The following GAREM1 variants were observed in gnomAD, a reference collection of about 807,000 sequenced individuals.
GAREM1 encodes the protein GRB2-associated and regulator of MAPK protein 1.
Under a neutral mutation model 71.3 loss-of-function variants are expected in GAREM1, and 26 were observed. The ratio of observed to expected loss-of-function variants is 0.36; its 90% CI spans 0.27 to 0.51. The LOEUF is 0.51. Among genes scored for constraint, GAREM1 ranks in the 20% least tolerant of loss-of-function variants. The pLI is 0.95. For synonymous variants in GAREM1, 440 were observed against 433.2 expected (o/e 1.02, Z -0.20); for missense variants, 1,026 against 1,103.1 (o/e 0.93, Z 0.99).
At chr18:32,270,836 C>G (rs1393856180) in intron 4 of GAREM1, among the ~76,000 whole-genome samples, 3 of 149,770 alleles carry the variant, frequency 2.0e-5, no homozygotes, top group Non-Finnish European at 4.4e-5. Flanking sequence ...TTGATCCAAA[C>G]CTTAGAGAAC....
intron 2 of GAREM1, among the ~76,000 whole-genome samples, chr18:32,334,494 A>C (rs564138106): frequency 3.9e-4 from 59 of 152,240 alleles, no homozygotes; most frequent in African/African-American, 1.4e-3. Context: ...GGGTCTTAAT[A>C]TTTTTCTAGT....
At chr18:32,392,406 T>C (rs1415307134) in intron 2 of GAREM1, among the ~76,000 whole-genome samples, 1 of 152,170 alleles carries the variant, frequency 6.6e-6, no homozygotes, top group Non-Finnish European at 1.5e-5. Flanking sequence ...AGTGAGGGCA[T>C]CTCAGTTGCC....
At chr18:32,312,140 T>A in intron 2 of GAREM1, among the ~76,000 whole-genome samples, 1 of 152,216 alleles carries the variant, frequency 6.6e-6, no homozygotes. Flanking sequence ...GTTCAAAAAG[T>A]TCTTAGACAC....
intron 2 of GAREM1, among the ~76,000 whole-genome samples, chr18:32,375,654 AT>A (rs2048024258): frequency 6.6e-6 from 1 of 152,208 alleles, no homozygotes; most frequent in African/African-American, 2.4e-5. Context: ...AGTGGAAATC[AT>A]TTGATTAAAG....
At chr18:32,354,153 T>C (rs1222327387) in intron 2 of GAREM1, among the ~76,000 whole-genome samples, 1 of 152,208 alleles carries the variant, frequency 6.6e-6, no homozygotes, top group Non-Finnish European at 1.5e-5. Context: ...GGTTTATCTG[T>C]TCCTCATTTA....
At chr18:32,377,043 T>C (rs2048037148) in intron 2 of GAREM1, among the ~76,000 whole-genome samples, 1 of 152,182 alleles carries the variant, frequency 6.6e-6, no homozygotes, top group African/African-American at 2.4e-5. Flanking sequence ...ATCCTAATTT[T>C]AGAAATAATG....
chr18:32,393,039 G>C lies in GAREM1; in HGVS notation c.122-4C>G. On this transcript the variant is annotated splice_region_variant and splice_polypyrimidine_tract_variant and intron_variant, in intron 1 of 5. Coordinates refer to ENST00000269209, the MANE Select transcript of GAREM1 (RefSeq NM_001242409.2). The stretch of plus-strand genomic sequence containing the variant: ...CGCAGCCCTTCTACGCACTCTCCTA[G>C]GAAATACAATTTTATATGAGAAACT... The C allele has an allele frequency of 6.2e-7, 1 of 1,609,882 alleles. No homozygotes were observed. The highest frequency in any genetic ancestry group is 8.5e-7 in the Non-Finnish European group (1 of 1,177,408).
At chr18:32,349,303 T>C (rs1028349257) in intron 2 of GAREM1, among the ~76,000 whole-genome samples, 1 of 152,188 alleles carries the variant, frequency 6.6e-6, no homozygotes, top group African/African-American at 2.4e-5. Flanking sequence ...CAGGACAAGG[T>C]ATACACAAAG....
At chr18:32,327,652 T>A (rs571967229) in intron 2 of GAREM1, among the ~76,000 whole-genome samples, 4 of 152,226 alleles carry the variant, frequency 2.6e-5, no homozygotes, top group African/African-American at 4.8e-5. Flanking sequence ...ATTAAATACA[T>A]GAAGTTGGGT....
intron 2 of GAREM1, among the ~76,000 whole-genome samples, chr18:32,376,863 A>C (rs1444212725): frequency 1.3e-5 from 2 of 152,136 alleles, no homozygotes; most frequent in Non-Finnish European, 2.9e-5. Context: ...ACAAATCAAC[A>C]AACAAATAAA....
At chr18:32,383,136 C>T (rs556848609) in intron 2 of GAREM1, among the ~76,000 whole-genome samples, 28 of 152,348 alleles carry the variant, frequency 1.8e-4, no homozygotes, top group African/African-American at 6.3e-4. Context: ...GGGACAAACC[C>T]TACGGTGTTC....
chr18:32,294,136 C>T (rs528445066), intron 3 of GAREM1, among the ~76,000 whole-genome samples: 4 of 152,240 alleles, frequency 2.6e-5, no homozygotes, highest in Non-Finnish European at 5.9e-5. Flanking sequence ...ATAAAAGTAT[C>T]GTTATCACTG....
At chr18:32,274,132 G>C (rs981001091) in intron 4 of GAREM1, among the ~76,000 whole-genome samples, 1 of 152,100 alleles carries the variant, frequency 6.6e-6, no homozygotes, top group Admixed American at 6.5e-5. Context: ...ATGGGTGGCC[G>C]CTCCGATGAT....
chr18:32,461,404 T>C (rs1461015972), intron 1 of GAREM1, among the ~76,000 whole-genome samples: 2 of 152,122 alleles, frequency 1.3e-5, no homozygotes, highest in Non-Finnish European at 2.9e-5. Flanking sequence ...AGGTCTGAAA[T>C]AATTCATCCT....
chr18:32,277,623 T>G (rs2041559622), intron 4 of GAREM1, among the ~76,000 whole-genome samples: 1 of 152,244 alleles, frequency 6.6e-6, no homozygotes, highest in Non-Finnish European at 1.5e-5. Flanking sequence ...AACTATTTTC[T>G]TTACTTTCAG....
At chr18:32,376,325 C>T (rs766307779) in intron 2 of GAREM1, among the ~76,000 whole-genome samples, 3 of 152,164 alleles carry the variant, frequency 2.0e-5, no homozygotes, top group African/African-American at 7.2e-5. Context: ...CTCTGTACTA[C>T]TTTGTAAAAA....
Position 32,324,763 on chromosome 18 carries a change from A to G in GAREM1, c.263-14440T>C, listed in dbSNP as rs553047157. 1.1e-3 allele frequency among the ~76,000 whole-genome samples: 164 copies of G among 152,372 alleles called. 1 individual carries two copies. The highest frequency in any genetic ancestry group is 3.7e-3 in the African/African-American group (153 of 41,588). On this transcript the variant is annotated intron_variant, in intron 2 of 5. Coordinates refer to ENST00000269209, the MANE Select transcript of GAREM1 (RefSeq NM_001242409.2). ...CATTTTCACCAAAAATTTAAGCTAC[A>G]AACGGCAAGGCAATCAAGCCATGAA...
intron 2 of GAREM1, among the ~76,000 whole-genome samples, chr18:32,363,920 A>ACACACACACACACACACACACACAT (rs1408632288): frequency 2.5e-4 from 37 of 146,708 alleles, no homozygotes; most frequent in East Asian, 1.0e-3. Flanking sequence ...ACACACACAT[A>ACACACACACACACACACACACACAT]AAAAAATATA....
At chr18:32,370,652 CTGAT>C (rs1443518803) in intron 2 of GAREM1, among the ~76,000 whole-genome samples, 2 of 152,164 alleles carry the variant, frequency 1.3e-5, no homozygotes, top group Non-Finnish European at 2.9e-5. Context: ...CCCCTCCAAA[CTGAT>C]TGAGCACAAT....
Sources: gnomAD v4.1 joint callset for allele counts (sites outside exome capture counted in the v4.1 genomes callset) on GRCh38, gnomAD v4.1.1 for gene constraint, MANE v1.5 for transcripts, NCBI Gene and HGNC (gene_info 2026-07-23, HGNC 2026-07-21) for gene names.